The following RALY variants were observed in gnomAD, a reference collection of about 807,000 sequenced individuals.
RALY encodes the protein RALY heterogeneous nuclear ribonucleoprotein, also known as RNA-binding protein Raly.
In RALY, 15 loss-of-function variants were observed where a neutral mutation model predicts 30.7. The observed-to-expected ratio is 0.49, with a 90% CI of 0.33 to 0.75. The LOEUF (loss-of-function observed/expected upper bound fraction) is 0.75. Among genes scored for constraint, RALY ranks in the 30% least tolerant of loss-of-function variants. The pLI is 0.02. For synonymous variants in RALY, 177 were observed against 170.8 expected (o/e 1.04, Z -0.28); for missense variants, 339 against 414.3 (o/e 0.82, Z 1.58).
At chr20:34,021,982 T>C (rs1317147037) in intron 1 of RALY, among the ~76,000 whole-genome samples, 1 of 151,686 alleles carries the variant, frequency 6.6e-6, no homozygotes, top group Admixed American at 6.6e-5. Context: ...CCTCAACTCC[T>C]GGCCTCCCAA....
At chr20:34,056,392 A>G (rs996849315) in intron 2 of RALY, among the ~76,000 whole-genome samples, 20 of 152,288 alleles carry the variant, frequency 1.3e-4, no homozygotes, top group Admixed American at 1.0e-3. Flanking sequence ...CATGCCTCCA[A>G]GTTCCTAGTT....
chr20:34,000,333 G>T (rs1378496040), intron 1 of RALY, among the ~76,000 whole-genome samples: 1 of 151,930 alleles, frequency 6.6e-6, no homozygotes, highest in Non-Finnish European at 1.5e-5. Context: ...TCATCTGGGG[G>T]GGTCCCTGAA....
intron 2 of RALY, among the ~76,000 whole-genome samples, chr20:34,069,732 GCA>G (rs1344175057): frequency 2.0e-5 from 3 of 152,196 alleles, no homozygotes; most frequent in South Asian, 4.1e-4. Context: ...TGCCTCGTAT[GCA>G]CAGTGTGTTA....
chr20:34,001,515 C>T (rs2030914064), intron 1 of RALY, among the ~76,000 whole-genome samples: 1 of 152,140 alleles, frequency 6.6e-6, no homozygotes, highest in African/African-American at 2.4e-5. Flanking sequence ...GCCAGATTTT[C>T]TTCATTCCAG....
chr20:34,028,058 A>G (rs1436584613), intron 1 of RALY, among the ~76,000 whole-genome samples: 1 of 152,126 alleles, frequency 6.6e-6, no homozygotes, highest in Non-Finnish European at 1.5e-5. Flanking sequence ...TTGGGAGGCC[A>G]AGGCAAGCAG....
intron 2 of RALY, among the ~76,000 whole-genome samples, chr20:34,047,785 G>A (rs886779338): frequency 6.6e-6 from 1 of 152,212 alleles, no homozygotes; most frequent in African/African-American, 2.4e-5. Flanking sequence ...CACAGTACCA[G>A]ATACTTAGTT....
intron 1 of RALY, among the ~76,000 whole-genome samples, chr20:34,030,177 A>G (rs1418314778): frequency 6.6e-6 from 1 of 152,154 alleles, no homozygotes; most frequent in East Asian, 1.9e-4. Context: ...ATTGTTATAT[A>G]TAATGTGAGA....
At position 34,073,654 on chromosome 20, in the gene RALY, C is replaced by T. The variant is rs1046210833; in HGVS notation, c.329+19C>T. The T allele has an allele frequency of 3.8e-6, 6 of 1,568,340 alleles. No individual in the cohort carries two copies. The South Asian group carries it at 6.7e-5, about 17-fold the overall frequency. On this transcript the variant is annotated intron_variant, in intron 4 of 9. Transcript: ENST00000246194. Reference sequence around the variant, plus strand: ...TATACAGGTGGGGCTGTCTGACTGTCTGTCTGTCTGGTGGGATGACTCTCT... The same window carrying T: ...TATACAGGTGGGGCTGTCTGACTGTTTGTCTGTCTGGTGGGATGACTCTCT...
In RALY at chr20:34,036,256, G is replaced by C. The variant is rs1267077210; in HGVS notation, c.-10+4652G>C. 3.9e-5 allele frequency among the ~76,000 whole-genome samples: 6 copies of C among 152,308 alleles called. No individual in the cohort carries two copies. The East Asian group carries it at 1.2e-3, about 29-fold the overall frequency. On this transcript the variant is annotated intron_variant, in intron 2 of 9. Transcript: ENST00000246194. Reference sequence around the variant, plus strand: ...CTTTGTTCCCAATTTTAGGAGGAAAGTATTCCATCTTTCAGGCTAAGGAAG... The same window carrying C: ...CTTTGTTCCCAATTTTAGGAGGAAACTATTCCATCTTTCAGGCTAAGGAAG...
chr20:34,000,726 A>T (rs971267574), intron 1 of RALY, among the ~76,000 whole-genome samples: 1 of 152,198 alleles, frequency 6.6e-6, no homozygotes, highest in East Asian at 1.9e-4. Context: ...TAGAGGGTAC[A>T]TACTTGAGTT....
At chr20:34,041,615 A>G (rs2032704015) in intron 2 of RALY, among the ~76,000 whole-genome samples, 1 of 152,062 alleles carries the variant, frequency 6.6e-6, no homozygotes, top group Non-Finnish European at 1.5e-5. Context: ...CTCAATTGCT[A>G]GGGACTTATT....
In RALY at chr20:34,081,248, CGTT is replaced by C. The variant is rs1372467556; in HGVS notation, c.*1345_*1347del. 2 of 152,168 alleles carry C rather than the reference CGTT, an allele frequency of 1.3e-5. No individual in the cohort carries two copies. Among genetic ancestry groups the C allele is most frequent in the Non-Finnish European group, 2.9e-5 (2 of 68,072 alleles). The allele number at this position is 152,168 out of a possible 1,614,324, so 9.4% of individuals were successfully genotyped here. On this transcript the variant is annotated 3_prime_UTR_variant, in exon 10 of 10. Transcript: ENST00000246194. The stretch of plus-strand genomic sequence containing the variant: ...CATATGTGGCCACTTAGGCTGGTCT[CGTT>C]GGTATGGAGCTGTGGGAGGGCAGCA...
chr20:33,999,195 G>A (rs2030793076), intron 1 of RALY, among the ~76,000 whole-genome samples: 1 of 152,042 alleles, frequency 6.6e-6, no homozygotes, highest in Non-Finnish European at 1.5e-5. Context: ...GGTGTGGAGG[G>A]TAAGGAAGGA....
At chr20:34,058,574 C>G (rs1250837109) in intron 2 of RALY, among the ~76,000 whole-genome samples, 6 of 152,138 alleles carry the variant, frequency 3.9e-5, no homozygotes, top group African/African-American at 1.4e-4. Flanking sequence ...GATACTCATC[C>G]CTTCGGAAGA....
intron 2 of RALY, among the ~76,000 whole-genome samples, chr20:34,064,221 C>G (rs904365311): frequency 1.2e-4 from 19 of 152,090 alleles, no homozygotes; most frequent in Non-Finnish European, 2.6e-4. Flanking sequence ...TTAACTTGTC[C>G]CCTTCCTGGA....
rs528575644 is a variant in RALY, at chr20:34,076,582, AAAAAC to A, written c.545-105_545-101del. 3.1e-4 allele frequency: 273 copies of A among 885,344 alleles called. No homozygotes were observed. The African/African-American group carries it at 3.6e-3, about 12-fold the overall frequency. 54.8% of individuals were successfully genotyped at this position (885,344 alleles called of 1,614,324 possible). ...AGGAGACCTTTTTCCTAAGCAGGGAAAAAACAAAACAAAACAAAAAATAACTGCTT... is the reference window on the plus strand; with the variant it reads ...AGGAGACCTTTTTCCTAAGCAGGGAAAAAACAAAACAAAAAATAACTGCTT... On this transcript the variant is annotated intron_variant, in intron 6 of 9. Transcript: ENST00000246194.
chr20:34,015,033 C>T (rs1045681116), intron 1 of RALY: 1 of 152,154 alleles, frequency 6.6e-6, no homozygotes, highest in Non-Finnish European at 1.5e-5. Flanking sequence ...TTGGAAGCTT[C>T]TAGAAGCTGG....
intron 1 of RALY, among the ~76,000 whole-genome samples, chr20:34,015,576 T>C (rs2031573933): frequency 6.6e-6 from 1 of 152,168 alleles, no homozygotes; most frequent in Non-Finnish European, 1.5e-5. Flanking sequence ...TTGTGTTTTA[T>C]TGGCATAGAC....
intron 2 of RALY, among the ~76,000 whole-genome samples, chr20:34,066,273 G>A (rs1372424969): frequency 1.3e-5 from 2 of 151,478 alleles, no homozygotes; most frequent in African/African-American, 4.9e-5. Context: ...TGGATCAGGA[G>A]TTCGAGACCA....
Sources: gnomAD v4.1 joint callset for allele counts (sites outside exome capture counted in the v4.1 genomes callset) on GRCh38, gnomAD v4.1.1 for gene constraint, MANE v1.5 for transcripts, NCBI Gene and HGNC (gene_info 2026-07-23, HGNC 2026-07-21) for gene names.